The following DYSF variants were observed in gnomAD, a reference collection of about 807,000 sequenced individuals.
The protein encoded by DYSF is dystrophy-associated fer-1-like 1.
A neutral mutation model predicts 274.9 loss-of-function variants in DYSF; 212 were observed. That is an observed-to-expected ratio of 0.77 (90% CI 0.69 to 0.86). The LOEUF is 0.86. DYSF is among the 40% of genes least tolerant of loss of function. DYSF has a pLI of 0.00. For missense variants in DYSF, 2,666 were observed against 2,783.2 expected (o/e 0.96, Z 0.95); for synonymous variants, 1,091 against 1,078.7 (o/e 1.01, Z -0.22).
chr2:71,563,723 A>G (rs1342988082), intron 23 of DYSF, among the ~76,000 whole-genome samples: 1 of 152,068 alleles, frequency 6.6e-6, no homozygotes, highest in African/African-American at 2.4e-5. Flanking sequence ...GGGAATGTCT[A>G]CCTGGTAGCG....
chr2:71,487,818 C>A (rs560310768), intron 3 of DYSF, among the ~76,000 whole-genome samples: 2 of 152,270 alleles, frequency 1.3e-5, no homozygotes, highest in South Asian at 2.1e-4. Flanking sequence ...CTGATGCTGG[C>A]ACTTCTGAAA....
At chr2:71,533,430 A>G (rs985228515) in intron 14 of DYSF, among the ~76,000 whole-genome samples, 1 of 152,160 alleles carries the variant, frequency 6.6e-6, no homozygotes, top group Non-Finnish European at 1.5e-5. Flanking sequence ...TCACGTCACT[A>G]CCTAGAGGCA....
At chr2:71,570,488 G>C (rs1475928587) in intron 28 of DYSF, 111 bp from the exon 29 acceptor site, 1 of 1,508,654 alleles carries the variant, frequency 6.6e-7, no homozygotes, top group East Asian at 2.4e-5. Flanking sequence ...AATTAGGACC[G>C]AGAGTCAGTG....
At chr2:71,453,870 A>G (rs2080937907) in exon 1 of DYSF, 1 of 921,778 alleles carries the variant, frequency 1.1e-6, no homozygotes, top group Non-Finnish European at 1.7e-6. Context: ...GCCAGGAGCC[A>G]GAGATTCGAG....
Position 71,513,938 on chromosome 2 carries a change from C to T in DYSF, c.759+17C>T. ...GATTTCCAGGTGATGAACGGGCTTT[C>T]TCTGACCCCAGGCTCCTCTTCAGCC... On this transcript the variant is annotated intron_variant, in intron 7 of 55. Transcript: ENST00000410020. 1 of 1,614,104 alleles carries T rather than the reference C, an allele frequency of 6.2e-7. No individual in the cohort carries two copies. Among genetic ancestry groups the T allele is most frequent in the Non-Finnish European group, 8.5e-7 (1 of 1,179,968 alleles).
At chr2:71,651,531 T>A (rs2152931696) in intron 42 of DYSF, among the ~76,000 whole-genome samples, 1 of 152,240 alleles carries the variant, frequency 6.6e-6, no homozygotes, top group South Asian at 2.1e-4. Context: ...AAGAATTACT[T>A]TCAAAGAGAG....
chr2:71,569,802 A>G lies in DYSF; in HGVS notation c.2865-18A>G. ...CTCCAGCAGAGCAGCAGAGACTCTG[A>G]CCAGCCCTCCTCCACAGTCTGCTCC... On this transcript the variant is annotated intron_variant, in intron 26 of 55. Coordinates refer to ENST00000410020, the MANE Select transcript of DYSF (RefSeq NM_001130987.2). 6.2e-7 allele frequency: 1 copy of G among 1,608,388 alleles called. No homozygotes were observed. The highest frequency in any genetic ancestry group is 1.1e-5 in the South Asian group (1 of 90,454).
chr2:71,589,401 G>A (rs1188205626), intron 30 of DYSF, among the ~76,000 whole-genome samples, 192 bp from the exon 31 acceptor site: 1 of 152,182 alleles, frequency 6.6e-6, no homozygotes, highest in Non-Finnish European at 1.5e-5. Context: ...ACAGTCCTTT[G>A]GTGCTTTGAC....
Position 71,611,255 on chromosome 2 carries a change from CA to C in DYSF, c.3969del (p.Asp1324ThrfsTer39), listed in dbSNP as rs1553381945. ...TGCTGTCCACTGCAGTCTGAGGACA[CA>C]GACCTGCCCTACCCACCACCCCAGA... ...TSRILDESED[T>X]DLPYPPPQRE... On this transcript the variant is annotated frameshift_variant, in exon 37 of 56. Coordinates refer to ENST00000410020, the MANE Select transcript of DYSF (RefSeq NM_001130987.2). LOFTEE classifies it high-confidence loss of function. The C allele has an allele frequency of 6.2e-7, 1 of 1,613,572 alleles. No individual in the cohort carries two copies. Among genetic ancestry groups the C allele is most frequent in the Non-Finnish European group, 8.5e-7 (1 of 1,179,496 alleles).
chr2:71,516,412 C>T (rs559173247), intron 9 of DYSF, among the ~76,000 whole-genome samples, 170 bp downstream of exon 9: 24 of 152,252 alleles, frequency 1.6e-4, no homozygotes, highest in Admixed American at 3.3e-4. Context: ...GAGAGGGAGA[C>T]GTGTTAAAGC....
At chr2:71,625,509 A>G (rs947569666) in intron 41 of DYSF, among the ~76,000 whole-genome samples, 3 of 152,052 alleles carry the variant, frequency 2.0e-5, no homozygotes, top group Non-Finnish European at 2.9e-5. Flanking sequence ...TGGGCTCTCT[A>G]TTCTGTTCCA....
intron 41 of DYSF, among the ~76,000 whole-genome samples, chr2:71,633,261 A>G (rs984511424): frequency 4.6e-5 from 7 of 152,106 alleles, no homozygotes; most frequent in African/African-American, 1.7e-4. Flanking sequence ...AAGTCGGAGT[A>G]TTTGCATGTC....
At chr2:71,598,963 C>T (rs546563509) in intron 33 of DYSF, among the ~76,000 whole-genome samples, 17 of 152,334 alleles carry the variant, frequency 1.1e-4, no homozygotes, top group East Asian at 7.7e-4. Flanking sequence ...GGAACATATC[C>T]GGAAAAGGCG....
Position 71,570,799 on chromosome 2 carries a change from A to C in DYSF, c.3228+58A>C. 7 of 1,606,492 alleles carry C rather than the reference A, an allele frequency of 4.4e-6. No individual in the cohort carries two copies. The East Asian group carries it at 1.6e-4, about 36-fold the overall frequency. On this transcript the variant is annotated intron_variant, in intron 29 of 55. Coordinates refer to ENST00000410020, the MANE Select transcript of DYSF (RefSeq NM_001130987.2). ...CTGTGGTCACAGGTGGCCAGTAGGCACAGATGCAGACCTGCATGCCCACAG... is the reference window on the plus strand; with the variant it reads ...CTGTGGTCACAGGTGGCCAGTAGGCCCAGATGCAGACCTGCATGCCCACAG...
At chr2:71,624,097 C>T (rs1327431936) in intron 41 of DYSF, among the ~76,000 whole-genome samples, 2 of 152,106 alleles carry the variant, frequency 1.3e-5, no homozygotes, top group East Asian at 3.8e-4. Context: ...AACACAAAAG[C>T]CTTAAATTAG....
intron 40 of DYSF, among the ~76,000 whole-genome samples, chr2:71,614,300 T>G (rs2093835515): frequency 6.6e-6 from 1 of 152,242 alleles, no homozygotes; most frequent in African/African-American, 2.4e-5. Flanking sequence ...CCAGAACTTC[T>G]GGGCCACCCA....
chr2:71,663,773 C>T (rs1033024411), intron 45 of DYSF, among the ~76,000 whole-genome samples: 5 of 152,216 alleles, frequency 3.3e-5, no homozygotes, highest in Non-Finnish European at 7.3e-5. Flanking sequence ...AAAGCAGGTC[C>T]CAGGCCTGGA....
chr2:71,607,823 C>A (rs1349584644), intron 36 of DYSF, among the ~76,000 whole-genome samples: 1 of 152,064 alleles, frequency 6.6e-6, no homozygotes, highest in Non-Finnish European at 1.5e-5. Flanking sequence ...GATGAAGAAT[C>A]CAGTTTTGGA....
At position 71,570,371 on chromosome 2, in the gene DYSF, G is replaced by A. The variant is rs753106982; in HGVS notation, c.3085+37G>A. 45 of 1,598,748 alleles carry A rather than the reference G, an allele frequency of 2.8e-5. No homozygotes were observed. In the Admixed American group the frequency reaches 2.8e-4, roughly 10 times the overall value. ...GTGGAACCTGGCGAGCCCCATCCCC[G>A]GCAAGCTCTCAAGCCATGCTGGTGG... On this transcript the variant is annotated intron_variant, in intron 28 of 55. Transcript: ENST00000410020.
Sources: allele counts gnomAD v4.1 joint callset (sites outside exome capture counted in the v4.1 genomes callset), GRCh38; gene constraint gnomAD v4.1.1; transcripts MANE v1.5; gene names NCBI Gene and HGNC (gene_info 2026-07-23, HGNC 2026-07-21).